The following CDKL5 variants were observed in gnomAD, a reference collection of about 807,000 sequenced individuals.
CDKL5 encodes cyclin-dependent kinase-like 5.
Under a neutral mutation model 61.7 loss-of-function variants are expected in CDKL5, and 8 were observed. The observed-to-expected ratio is 0.13, with a 90% CI of 0.08 to 0.23. CDKL5 has a LOEUF of 0.23. Ranked by LOEUF, CDKL5 falls within the 10% of genes least tolerant of loss-of-function variation. The pLI is 1.00. For missense variants in CDKL5, 440 were observed against 734.5 expected (o/e 0.60, Z 4.63); for synonymous variants, 275 against 272.3 (o/e 1.01, Z -0.10).
At chrX:18,550,755 G>T (rs944203958) in intron 3 of CDKL5, among the ~76,000 whole-genome samples, 1 of 112,252 alleles carries the variant, frequency 8.9e-6, no homozygotes, top group Non-Finnish European at 1.9e-5. Context: ...TCATTTTCTC[G>T]CCTCAGTGTT....
intron 1 of CDKL5, among the ~76,000 whole-genome samples, chrX:18,481,320 GTTTCTTTC>G (rs201816691): frequency 0.36 from 30,424 of 84,468 alleles, 5,387 homozygotes; most frequent in Non-Finnish European, 0.44. Flanking sequence ...AAGAGTCCTG[GTTTCTTTC>G]TTTCTTTCTT....
chrX:18,609,374 A>G (rs993684996), intron 13 of CDKL5, 91 bp from the exon 14 acceptor site: 3 of 1,193,884 alleles, frequency 2.5e-6, no homozygotes, highest in Non-Finnish European at 1.1e-6. Flanking sequence ...AGCCTGGGCA[A>G]TAGAGTGAGA....
At chrX:18,476,302 G>A (rs764566710) in intron 1 of CDKL5, among the ~76,000 whole-genome samples, 18 of 110,770 alleles carry the variant, frequency 1.6e-4, no homozygotes, top group African/African-American at 5.3e-4. Flanking sequence ...TGCAACCTTC[G>A]CCTCCTGGGC....
At chrX:18,488,994 C>G (rs754395638) in intron 1 of CDKL5, among the ~76,000 whole-genome samples, 1 of 111,794 alleles carries the variant, frequency 8.9e-6, no homozygotes, top group Non-Finnish European at 1.9e-5. Flanking sequence ...ATATATTTCT[C>G]TATTTTGAAA....
At chrX:18,595,191 CA>C (rs779353888) in intron 9 of CDKL5, among the ~76,000 whole-genome samples, 156 bp from the exon 10 acceptor site, 43 of 109,477 alleles carry the variant, frequency 3.9e-4, no homozygotes, top group Admixed American at 3.8e-3. Context: ...CAAAAACAAA[CA>C]AAAAAAAATA....
intron 1 of CDKL5, among the ~76,000 whole-genome samples, chrX:18,456,619 TG>T (rs1308654423): frequency 1.8e-5 from 2 of 111,636 alleles, no homozygotes; most frequent in African/African-American, 6.5e-5. Context: ...TGAAGGAATT[TG>T]AGAGGATTTG....
At position 18,488,397 on chromosome X, in the gene CDKL5, C is replaced by A. The variant is rs776375693; in HGVS notation, c.-162-18538C>A. On this transcript the variant is annotated intron_variant, in intron 1 of 17. Transcript: ENST00000623535. ...TTTATGTAGTTCAAAATAAATGTTA[C>A]AATTGTTGTATTATACTAGTACTAT... Among the ~76,000 whole-genome samples the A allele has an allele frequency of 2.7e-5, 3 of 111,457 alleles. No homozygotes were observed. The East Asian group carries it at 8.5e-4, about 31-fold the overall frequency.
intron 1 of CDKL5, among the ~76,000 whole-genome samples, chrX:18,440,482 G>A (rs778813166): frequency 4.5e-5 from 5 of 111,008 alleles, no homozygotes; most frequent in Non-Finnish European, 9.4e-5. Flanking sequence ...TGTGTGTTTT[G>A]GGTTTTTTTA....
chrX:18,465,179 A>G (rs1932373412), intron 1 of CDKL5, among the ~76,000 whole-genome samples: 1 of 111,225 alleles, frequency 9.0e-6, no homozygotes, highest in African/African-American at 3.3e-5. Flanking sequence ...AAAAGATCTG[A>G]TTTGCAGTGC....
At chrX:18,429,588 G>A (rs1931437990) in intron 1 of CDKL5, among the ~76,000 whole-genome samples, 1 of 111,853 alleles carries the variant, frequency 8.9e-6, no homozygotes, top group South Asian at 3.7e-4. Flanking sequence ...ACTTGAAGCC[G>A]TGCTCTTCAA....
intron 3 of CDKL5, among the ~76,000 whole-genome samples, chrX:18,560,236 T>G (rs1284072429): frequency 2.7e-5 from 3 of 111,898 alleles, no homozygotes; most frequent in African/African-American, 6.5e-5. Flanking sequence ...TGAACTAGTT[T>G]ACAGTCCCAC....
At chrX:18,530,052 G>A (rs1203438767) in intron 3 of CDKL5, among the ~76,000 whole-genome samples, 1 of 110,451 alleles carries the variant, frequency 9.1e-6, no homozygotes, top group African/African-American at 3.3e-5. Flanking sequence ...TATTTTGCCG[G>A]GCACGGTGGC....
At chrX:18,437,995 A>G (rs946611552) in intron 1 of CDKL5, among the ~76,000 whole-genome samples, 1 of 112,109 alleles carries the variant, frequency 8.9e-6, no homozygotes, top group Non-Finnish European at 1.9e-5. Context: ...CACCTCTTTC[A>G]AATAGTTCCT....
chrX:18,616,261 A>G (rs1926710477), intron 15 of CDKL5, among the ~76,000 whole-genome samples: 1 of 112,058 alleles, frequency 8.9e-6, no homozygotes, highest in Non-Finnish European at 1.9e-5. Flanking sequence ...AAATGTATAA[A>G]TATGTTTAGA....
At chrX:18,575,734 A>C (rs1372457254) in intron 5 of CDKL5, among the ~76,000 whole-genome samples, 1 of 112,409 alleles carries the variant, frequency 8.9e-6, no homozygotes, top group Non-Finnish European at 1.9e-5. Flanking sequence ...TGGCTTCTGA[A>C]GTCTTAAACT....
intron 3 of CDKL5, among the ~76,000 whole-genome samples, chrX:18,525,514 AC>A (rs773495435): frequency 1.3e-4 from 14 of 111,331 alleles, no homozygotes; most frequent in African/African-American, 3.3e-4. Context: ...TTTCACCAAT[AC>A]CATATTGTCT....
At chrX:18,641,782 T>G (rs1927583093), downstream of CDKL5, 2 of 418,409 alleles carry the variant, frequency 4.8e-6, no homozygotes, top group South Asian at 7.6e-5. Context: ...GGACATTTTC[T>G]TTGTTCTGAC....
chrX:18,449,228 C>A (rs774667509), intron 1 of CDKL5, among the ~76,000 whole-genome samples: 7 of 112,220 alleles, frequency 6.2e-5, no homozygotes, highest in Non-Finnish European at 1.3e-4. Context: ...CCTCACTGAT[C>A]TATGTGCTGA....
chrX:18,652,694 A>T (rs1470635733), intron 21 of CDKL5, among the ~76,000 whole-genome samples: 1 of 111,676 alleles, frequency 9.0e-6, no homozygotes, highest in Admixed American at 9.5e-5. Context: ...GGGGATCCTT[A>T]TCAGACACAC....
Sources: gnomAD v4.1 joint callset for allele counts (sites outside exome capture counted in the v4.1 genomes callset) on GRCh38, gnomAD v4.1.1 for gene constraint, MANE v1.5 for transcripts, NCBI Gene and HGNC (gene_info 2026-07-23, HGNC 2026-07-21) for gene names.